The following ITPR2 variants were observed in gnomAD, a reference collection of about 807,000 sequenced individuals.
ITPR2 encodes inositol 1,4,5-trisphosphate receptor type 2.
Under a neutral mutation model 317.1 loss-of-function variants are expected in ITPR2, and 207 were observed. The observed-to-expected ratio is 0.65, with a 90% CI of 0.58 to 0.73. The LOEUF is 0.73. Ranked by LOEUF, ITPR2 falls within the 30% of genes least tolerant of loss-of-function variation. The pLI, the probability that ITPR2 is intolerant of heterozygous loss-of-function variation, is 0.00. For synonymous variants in ITPR2, 1,156 were observed against 1,149.1 expected (o/e 1.01, Z -0.12); for missense variants, 2,613 against 3,284.0 (o/e 0.80, Z 4.99).
At chr12:26,346,516 G>C (rs1049308139) in intron 55 of ITPR2, among the ~76,000 whole-genome samples, 4 of 152,008 alleles carry the variant, frequency 2.6e-5, no homozygotes, top group Non-Finnish European at 5.9e-5. Flanking sequence ...CCAGCTACTC[G>C]AGAAGCTGAG....
At chr12:26,725,848 C>T (rs1948910667) in intron 2 of ITPR2, 83 bp from the exon 3 acceptor site, 4 of 865,470 alleles carry the variant, frequency 4.6e-6, no homozygotes, top group Non-Finnish European at 7.6e-6. Context: ...GCTTTTGAAT[C>T]TTGGAATCCC....
At chr12:26,339,894 T>A (rs1043370791) in intron 56 of ITPR2, among the ~76,000 whole-genome samples, 3 of 152,066 alleles carry the variant, frequency 2.0e-5, no homozygotes, top group African/African-American at 4.8e-5. Flanking sequence ...AGAAAATGAT[T>A]TTTTTTTAAA....
chr12:26,744,088 T>G (rs938426833), intron 2 of ITPR2, among the ~76,000 whole-genome samples: 1 of 152,250 alleles, frequency 6.6e-6, no homozygotes, highest in Admixed American at 6.5e-5. Flanking sequence ...GGATTCTTCA[T>G]GCAGCAAGCA....
chr12:26,653,848 T>C lies in ITPR2; in HGVS notation c.2740+128A>G, dbSNP rs184324482. ...ACCTTATTATCACTCAGCCCTGTCATAGGAATTGTGTTCATATGCACACAT... is the reference window on the plus strand; with the variant it reads ...ACCTTATTATCACTCAGCCCTGTCACAGGAATTGTGTTCATATGCACACAT... On this transcript the variant is annotated intron_variant, in intron 21 of 56. Transcript: ENST00000381340. 29 of 674,074 alleles carry C rather than the reference T, an allele frequency of 4.3e-5. No homozygotes were observed. The African/African-American group carries it at 4.8e-4, about 11-fold the overall frequency. The allele number at this position is 674,074 out of a possible 1,614,324, so 41.8% of individuals were successfully genotyped here.
chr12:26,400,123 C>T lies in ITPR2; in HGVS notation c.7530+5G>A. 1.9e-6 allele frequency: 3 copies of T among 1,604,510 alleles called. No homozygotes were observed. The South Asian group carries it at 3.4e-5, about 18-fold the overall frequency. ...CCTTGAAAAAATACTTTTACTCTGG[C>T]TTACATCTTTCGATGGCCTTCTTAG... On this transcript the variant is annotated splice_donor_5th_base_variant and intron_variant, in intron 53 of 56. Transcript: ENST00000381340.
intron 2 of ITPR2, among the ~76,000 whole-genome samples, chr12:26,765,268 A>G (rs1949699631): frequency 6.6e-6 from 1 of 152,128 alleles, no homozygotes; most frequent in Non-Finnish European, 1.5e-5. Flanking sequence ...TATAAATTTT[A>G]CAAGCAAGAA....
chr12:26,372,065 C>A (rs1939204336), intron 55 of ITPR2, among the ~76,000 whole-genome samples: 1 of 152,204 alleles, frequency 6.6e-6, no homozygotes, highest in Admixed American at 6.5e-5. Context: ...ACTCTCTGAG[C>A]TTCAATTATT....
At chr12:26,399,307 A>G (rs1487650948) in intron 53 of ITPR2, among the ~76,000 whole-genome samples, 1 of 152,194 alleles carries the variant, frequency 6.6e-6, no homozygotes, top group African/African-American at 2.4e-5. Flanking sequence ...GGACTTTATT[A>G]TGCCATTCTG....
chr12:26,780,114 G>A (rs1950051256), intron 2 of ITPR2, among the ~76,000 whole-genome samples: 1 of 152,178 alleles, frequency 6.6e-6, no homozygotes, highest in Non-Finnish European at 1.5e-5. Context: ...TGGTGGCAGG[G>A]ATAGAGGTTA....
chr12:26,342,419 C>A (rs530138615), intron 55 of ITPR2, among the ~76,000 whole-genome samples: 3 of 145,934 alleles, frequency 2.1e-5, no homozygotes, highest in African/African-American at 7.6e-5. Context: ...GGTTTGTCTG[C>A]GTTCTCCAAA....
intron 23 of ITPR2, among the ~76,000 whole-genome samples, chr12:26,625,250 C>A (rs991398255): frequency 2.0e-5 from 3 of 151,284 alleles, no homozygotes; most frequent in Non-Finnish European, 2.9e-5. Flanking sequence ...TATAGTATGA[C>A]AGAATGAGTA....
intron 2 of ITPR2, among the ~76,000 whole-genome samples, chr12:26,770,710 C>T (rs986823081): frequency 3.9e-5 from 6 of 152,190 alleles, no homozygotes; most frequent in Admixed American, 1.3e-4. Context: ...TTTAGGTTGG[C>T]GCATGGCCAG....
intron 2 of ITPR2, among the ~76,000 whole-genome samples, chr12:26,772,994 AACATGTGGTGTTTG>A (rs1341958011): frequency 1.3e-5 from 2 of 151,896 alleles, no homozygotes; most frequent in African/African-American, 4.8e-5. Context: ...TATGAGTGAG[AACATGTGGTGTTTG>A]GTTTTCTCTT....
intron 45 of ITPR2, among the ~76,000 whole-genome samples, chr12:26,466,040 GT>G (rs556587528): frequency 1.6e-3 from 241 of 152,018 alleles, no homozygotes; most frequent in African/African-American, 5.5e-3. Flanking sequence ...GTTTACAAAA[GT>G]TTTTTTTCAA....
intron 37 of ITPR2, among the ~76,000 whole-genome samples, chr12:26,504,816 A>C (rs1276583702): frequency 6.6e-6 from 1 of 152,250 alleles, no homozygotes; most frequent in Non-Finnish European, 1.5e-5. Context: ...ATCAACCCAA[A>C]TAACAAGTGA....
intron 55 of ITPR2, among the ~76,000 whole-genome samples, chr12:26,345,175 A>G (rs1405253409): frequency 6.7e-6 from 1 of 149,060 alleles, no homozygotes; most frequent in Admixed American, 6.7e-5. Context: ...ACTGCAATGG[A>G]AAAAAAAAAC....
At position 26,340,168 on chromosome 12, in the gene ITPR2, T is replaced by C; in HGVS notation, c.8018A>G (p.Gln2673Arg). ...CCCCATCTCCCTGAATGCACCCACCTGCTCCTTGAGCTCCGCCAGCTGACC... is the reference window on the plus strand; with the variant it reads ...CCCCATCTCCCTGAATGCACCCACCCGCTCCTTGAGCTCCGCCAGCTGACC... ...LSGQLAELKE[Q>R]MTEQRKNKQR... The change falls in exon 56 of 57, where the codon CAG becomes CGG. Residue 2673 changes from glutamine (Q) to arginine (R), a missense_variant and splice_region_variant. Gln to Arg is a conservative substitution (Grantham distance 43, BLOSUM62 1). Around this residue, in one of 9 missense-constraint regions of ITPR2, gnomAD observed 119 missense variants for 144.3 expected, o/e 0.82. Transcript: ENST00000381340. 1 of 1,602,954 alleles carries C rather than the reference T, an allele frequency of 6.2e-7. No individual in the cohort carries two copies. Among genetic ancestry groups the C allele is most frequent in the Non-Finnish European group, 8.5e-7 (1 of 1,174,804 alleles).
At chr12:26,577,615 C>G (rs915441399) in intron 34 of ITPR2, among the ~76,000 whole-genome samples, 10 of 152,060 alleles carry the variant, frequency 6.6e-5, no homozygotes, top group Admixed American at 6.5e-5. Context: ...TAATTAATTA[C>G]TTAAGTCAAC....
intron 55 of ITPR2, among the ~76,000 whole-genome samples, chr12:26,375,434 A>G (rs1469055824): frequency 1.3e-5 from 2 of 152,232 alleles, no homozygotes; most frequent in Non-Finnish European, 2.9e-5. Flanking sequence ...AATGTAATCA[A>G]TGTCAGATCA....
Sources: allele counts gnomAD v4.1 joint callset (sites outside exome capture counted in the v4.1 genomes callset), GRCh38; gene constraint gnomAD v4.1.1; regional missense constraint gnomAD v4.1.1; transcripts MANE v1.5; gene names NCBI Gene and HGNC (gene_info 2026-07-23, HGNC 2026-07-21).